The following CD8B variants were observed in gnomAD, a reference collection of about 807,000 sequenced individuals.
The protein encoded by CD8B is CD8 subunit beta.
A neutral mutation model predicts 24.2 loss-of-function variants in CD8B; 6 were observed. That is an observed-to-expected ratio of 0.25 (90% CI 0.14 to 0.49). The LOEUF (loss-of-function observed/expected upper bound fraction) is 0.49. Ranked by LOEUF, CD8B falls within the 20% of genes least tolerant of loss-of-function variation. The pLI is 0.98. For missense variants in CD8B, 196 were observed against 271.3 expected, an observed-to-expected ratio of 0.72 and a Z score of 1.95; for synonymous variants, 84 against 108.3, an observed-to-expected ratio of 0.78 and a Z score of 1.39.
chr2:86,844,006 G>A (rs565839094), intron 5 of CD8B, among the ~76,000 whole-genome samples: 1 of 152,304 alleles, frequency 6.6e-6, no homozygotes, highest in East Asian at 1.9e-4. Context: ...TTGTTCTAAG[G>A]ATCAAATGTA....
intron 1 of CD8B, 143 bp downstream of exon 1, chr2:86,861,680 G>T: frequency 2.0e-6 from 1 of 491,778 alleles, no homozygotes; most frequent in East Asian, 3.5e-5. Context: ...GACCGTGCCT[G>T]CCAAGCTGCC....
chr2:86,842,028 G>T lies in CD8B; in HGVS notation c.*279C>A. ...TTCAGGGAAAGCACAGGAGCCGGAA[G>T]CGGTGGCATGGGCAGCATTTCTTAC... On this transcript the variant is annotated 3_prime_UTR_variant, in exon 6 of 6. Transcript: ENST00000390655. The T allele has an allele frequency of 8.4e-7, 1 of 1,195,296 alleles. No individual in the cohort carries two copies. The highest frequency in any genetic ancestry group is 3.4e-5 in the South Asian group (1 of 29,828). The allele number at this position is 1,195,296 out of a possible 1,614,324, so 74.0% of individuals were successfully genotyped here.
At chr2:86,822,899 A>G (rs1313798709) in intron 5 of CD8B, among the ~76,000 whole-genome samples, 1 of 152,214 alleles carries the variant, frequency 6.6e-6, no homozygotes, top group East Asian at 1.9e-4. Flanking sequence ...ATCATTCTGC[A>G]GTTGTTTAAT....
chr2:86,843,192 A>T (rs1675518244), intron 5 of CD8B, among the ~76,000 whole-genome samples: 1 of 152,108 alleles, frequency 6.6e-6, no homozygotes, highest in African/African-American at 2.4e-5. Context: ...TCCGGGGTTC[A>T]AGTGATTCTC....
chr2:86,840,305 C>G lies in CD8B; in HGVS notation c.*2002G>C, dbSNP rs1003004191. On this transcript the variant is annotated 3_prime_UTR_variant, in exon 6 of 6. Transcript: ENST00000390655. ...TGGAGCAAACGGAAAACACCTGGGT[C>G]TGGGGGCAGGGCATCTAAGGCCAAT... 1.3e-5 allele frequency among the ~76,000 whole-genome samples: 2 copies of G among 152,166 alleles called. No individual in the cohort carries two copies. The highest frequency in any genetic ancestry group is 2.9e-5 in the Non-Finnish European group (2 of 68,034).
rs534602392 is a variant in CD8B at position 86,844,253 on chromosome 2, G to C, written c.620+669C>G. Among the ~76,000 whole-genome samples, 4 of 151,230 alleles carry C rather than the reference G, an allele frequency of 2.6e-5. No individual in the cohort carries two copies. In the East Asian group the frequency reaches 7.8e-4, roughly 29 times the overall value. On this transcript the variant is annotated intron_variant, in intron 5 of 5. Transcript: ENST00000390655. ...TCTTTCTCAGCTTAGTGGGCCCCAA[G>C]AGTGCTATGTGACTCTGTCAACTCC... is the stretch of plus-strand genomic sequence containing the variant.
intron 5 of CD8B, among the ~76,000 whole-genome samples, chr2:86,827,359 G>T (rs1369193255): frequency 6.6e-6 from 1 of 152,080 alleles, no homozygotes; most frequent in Non-Finnish European, 1.5e-5. Context: ...TGGTGTGGTG[G>T]CTAATGCCTG....
At chr2:86,852,523 A>G (rs1255578108) in intron 3 of CD8B, among the ~76,000 whole-genome samples, 1 of 151,754 alleles carries the variant, frequency 6.6e-6, no homozygotes, top group African/African-American at 2.4e-5. Context: ...GGCAGCAACC[A>G]ATCTACATTC....
chr2:86,824,932 A>G (rs2104502964), intron 5 of CD8B, among the ~76,000 whole-genome samples: 1 of 152,328 alleles, frequency 6.6e-6, no homozygotes, highest in African/African-American at 2.4e-5. Context: ...TCAACCACTT[A>G]GGTTGTTCTA....
chr2:86,835,904 C>T (rs555775575), downstream of CD8B, among the ~76,000 whole-genome samples: 88 of 151,970 alleles, frequency 5.8e-4, no homozygotes, highest in African/African-American at 1.9e-3. Context: ...CTTGGAGCCA[C>T]GCAAGTGCCA....
At chr2:86,833,585 T>C, downstream of CD8B, among the ~76,000 whole-genome samples, 1 of 118,718 alleles carries the variant, frequency 8.4e-6, no homozygotes, top group Non-Finnish European at 1.8e-5. Context: ...TCCCTTTCTC[T>C]CTCACCCTTT....
At chr2:86,859,938 C>G (rs534963857) in intron 1 of CD8B, among the ~76,000 whole-genome samples, 1 of 152,052 alleles carries the variant, frequency 6.6e-6, no homozygotes, top group African/African-American at 2.4e-5. Context: ...TTTTTGACTT[C>G]GCTCCTGGAC....
Position 86,844,548 on chromosome 2 carries a change from A to G in CD8B, c.620+374T>C, listed in dbSNP as rs925726644. 61 of 1,154,540 alleles carry G rather than the reference A, an allele frequency of 5.3e-5. No homozygotes were observed. In the African/African-American group the frequency reaches 8.3e-4, roughly 16 times the overall value. The allele number at this position is 1,154,540 out of a possible 1,614,324, so 71.5% of individuals were successfully genotyped here. ...ATTGCTCTCCTCAGGAGAGCTAAGA[A>G]TGTTCTTGAAATACATTTAACTTAC... is the stretch of plus-strand genomic sequence containing the variant. On this transcript the variant is annotated intron_variant, in intron 5 of 5. Transcript: ENST00000390655.
In CD8B at chr2:86,858,013, G is replaced by A. The variant is rs1240889699; in HGVS notation, c.403+44C>T. ...GGTCCCAGTGCCTGGCACGTGCCTG[G>A]CACACAATCGGTGCTCACTGATAGC... On this transcript the variant is annotated intron_variant, in intron 2 of 5. Transcript: ENST00000390655. The A allele has an allele frequency of 3.1e-6, 5 of 1,593,544 alleles. No homozygotes were observed. The African/African-American group carries it at 4.0e-5, about 13-fold the overall frequency.
chr2:86,861,380 T>G (rs1288940972), intron 1 of CD8B, among the ~76,000 whole-genome samples: 22 of 151,680 alleles, frequency 1.5e-4, no homozygotes, highest in Admixed American at 1.4e-3. Context: ...GCCCGATGTT[T>G]GTCTGATTGT....
Position 86,853,536 on chromosome 2 carries a change from G to A in CD8B, c.404-450C>T, listed in dbSNP as rs889973065. On this transcript the variant is annotated intron_variant, in intron 2 of 5. Transcript: ENST00000390655. The stretch of plus-strand genomic sequence containing the variant: ...CCCCAGGCTGCTACAGGGCTTGAAG[G>A]TCACAGAGCAATAGAATGTTTGATC... Among the ~76,000 whole-genome samples the A allele has an allele frequency of 8.5e-5, 13 of 152,094 alleles. No homozygotes were observed. The South Asian group carries it at 2.5e-3, about 29-fold the overall frequency.
intron 2 of CD8B, among the ~76,000 whole-genome samples, chr2:86,853,677 C>G (rs1202516208): frequency 6.6e-6 from 1 of 151,974 alleles, no homozygotes; most frequent in African/African-American, 2.4e-5. Context: ...AGAGCCTACA[C>G]CTCTGATTTA....
chr2:86,825,203 G>A (rs1412783292), intron 5 of CD8B, among the ~76,000 whole-genome samples: 1 of 152,170 alleles, frequency 6.6e-6, no homozygotes, highest in East Asian at 1.9e-4. Context: ...TGGGGGGTGT[G>A]CTGCTGGGGT....
At chr2:86,852,824 C>T (rs1573522839) in intron 3 of CD8B, among the ~76,000 whole-genome samples, 173 bp downstream of exon 3, 1 of 151,944 alleles carries the variant, frequency 6.6e-6, no homozygotes, top group African/African-American at 2.4e-5. Context: ...CTGTCTCCCA[C>T]GAGACTGTGA....
Sources: allele counts gnomAD v4.1 joint callset (sites outside exome capture counted in the v4.1 genomes callset), GRCh38; gene constraint gnomAD v4.1.1; transcripts MANE v1.5; gene names NCBI Gene and HGNC (gene_info 2026-07-23, HGNC 2026-07-21).